The following MYT1L variants were observed in gnomAD, a reference collection of about 807,000 sequenced individuals.
The protein encoded by MYT1L is myelin transcription factor 1-like protein.
Under a neutral mutation model 126.7 loss-of-function variants are expected in MYT1L, and 12 were observed. That is an observed-to-expected ratio of 0.09 (90% CI 0.06 to 0.15). MYT1L has a LOEUF of 0.15. Among genes scored for constraint, MYT1L ranks in the 10% least tolerant of loss-of-function variants. The pLI is 1.00. For synonymous variants in MYT1L, 541 were observed against 604.2 expected (o/e 0.90, Z 1.53); for missense variants, 979 against 1,585.2 (o/e 0.62, Z 6.49).
chr2:2,309,817 G>A (rs10432710), intron 1 of MYT1L, among the ~76,000 whole-genome samples: 5,416 of 149,340 alleles, frequency 0.036, 451 homozygotes, highest in East Asian at 0.35. Context: ...CTTGCACTTC[G>A]GCATACTCTA....
chr2:1,851,373 G>A (rs958029017), intron 19 of MYT1L, among the ~76,000 whole-genome samples: 2 of 152,136 alleles, frequency 1.3e-5, no homozygotes, highest in African/African-American at 4.8e-5. Context: ...AAGAAGTGCA[G>A]CTGGATAGGT....
At chr2:2,066,890 TTTAACAAAA>T (rs1558906119) in intron 3 of MYT1L, among the ~76,000 whole-genome samples, 1 of 152,306 alleles carries the variant, frequency 6.6e-6, no homozygotes, top group Non-Finnish European at 1.5e-5. Context: ...CAGTAACACA[TTTAACAAAA>T]GGTGTGTGAT....
At chr2:2,109,548 A>G (rs1284628226) in intron 3 of MYT1L, among the ~76,000 whole-genome samples, 2 of 152,092 alleles carry the variant, frequency 1.3e-5, no homozygotes, top group Non-Finnish European at 2.9e-5. Context: ...TAGCTTTCTT[A>G]GAAATTTCTG....
At chr2:2,081,391 C>A (rs534069178) in intron 3 of MYT1L, among the ~76,000 whole-genome samples, 11 of 152,264 alleles carry the variant, frequency 7.2e-5, no homozygotes, top group African/African-American at 2.6e-4. Flanking sequence ...GGCAAATGCA[C>A]CTCCCTGAGA....
At chr2:2,137,260 C>T (rs897638315) in intron 3 of MYT1L, among the ~76,000 whole-genome samples, 2 of 152,168 alleles carry the variant, frequency 1.3e-5, no homozygotes, top group African/African-American at 4.8e-5. Flanking sequence ...AATGGCCATA[C>T]TGCCCAAGGT....
chr2:2,102,638 G>GTGTGTT (rs2078239107), intron 3 of MYT1L, among the ~76,000 whole-genome samples: 1 of 148,320 alleles, frequency 6.7e-6, no homozygotes, highest in Non-Finnish European at 1.5e-5. Context: ...GTGTGTGTGT[G>GTGTGTT]TGTGTATAAA....
intron 4 of MYT1L, among the ~76,000 whole-genome samples, chr2:2,001,245 T>TTA (rs2062356183): frequency 6.7e-6 from 1 of 149,906 alleles, no homozygotes; most frequent in Non-Finnish European, 1.5e-5. Context: ...AGCTTTTTTT[T>TTA]TTTTTTTGCT....
At chr2:1,805,487 C>T (rs905715981) in intron 22 of MYT1L, among the ~76,000 whole-genome samples, 19 of 152,230 alleles carry the variant, frequency 1.2e-4, no homozygotes, top group African/African-American at 3.6e-4. Flanking sequence ...CATGGTGGCT[C>T]ACGCCTATAA....
Position 1,970,279 on chromosome 2 carries a change from C to T in MYT1L, c.152+8886G>A, listed in dbSNP as rs544565075. 1.2e-3 allele frequency among the ~76,000 whole-genome samples: 179 copies of T among 152,214 alleles called. 1 individual carries two copies. The highest frequency in any genetic ancestry group is 2.0e-3 in the Non-Finnish European group (136 of 68,020). ...GGTGGACAGCCCCAGATAGGGGACT[C>T]GAAGAGCCGGGTCCCAGCGATGCTC... On this transcript the variant is annotated intron_variant, in intron 8 of 24. Coordinates refer to ENST00000647738, the MANE Select transcript of MYT1L (RefSeq NM_001303052.2).
At chr2:1,855,635 G>T (rs942770341) in intron 18 of MYT1L, among the ~76,000 whole-genome samples, 1 of 152,200 alleles carries the variant, frequency 6.6e-6, no homozygotes, top group African/African-American at 2.4e-5. Flanking sequence ...TGGTTAAGGT[G>T]TAAACTTGCA....
chr2:2,166,231 G>A (rs1034851675), intron 3 of MYT1L, among the ~76,000 whole-genome samples: 1 of 151,856 alleles, frequency 6.6e-6, no homozygotes, highest in Non-Finnish European at 1.5e-5. Flanking sequence ...ATGAACCAGC[G>A]AGGCTGTTTT....
chr2:2,042,133 C>A (rs776688201), intron 4 of MYT1L, among the ~76,000 whole-genome samples: 1 of 152,168 alleles, frequency 6.6e-6, no homozygotes, highest in Non-Finnish European at 1.5e-5. Flanking sequence ...GGCAGCCCCG[C>A]AATCCTGAGG....
In MYT1L at chr2:2,173,005, C is replaced by A. The variant is rs937820798; in HGVS notation, c.-420-17G>T. On this transcript the variant is annotated splice_polypyrimidine_tract_variant and intron_variant, in intron 2 of 24. Coordinates refer to ENST00000647738, the MANE Select transcript of MYT1L (RefSeq NM_001303052.2). ...GTTCATTTTCTAAAGGATAGAGCGA[C>A]AACACAAAATACCTTAAGTAAGAGA... The A allele has an allele frequency of 3.3e-5, 5 of 152,238 alleles. No homozygotes were observed. Among genetic ancestry groups the A allele is most frequent in the African/African-American group, 1.2e-4 (5 of 41,454 alleles). The allele number at this position is 152,238 out of a possible 1,614,324, so 9.4% of individuals were successfully genotyped here. A position where few individuals can be genotyped will look rare whatever the true frequency, so the allele number is the denominator to read the frequency against.
intron 13 of MYT1L, among the ~76,000 whole-genome samples, chr2:1,904,316 G>T (rs890760968): frequency 2.6e-5 from 4 of 152,056 alleles, no homozygotes; most frequent in African/African-American, 9.7e-5. Context: ...TTCATGGATT[G>T]GACACTGAAG....
chr2:2,071,929 T>C (rs997594059), intron 3 of MYT1L, among the ~76,000 whole-genome samples: 1 of 152,122 alleles, frequency 6.6e-6, no homozygotes, highest in African/African-American at 2.4e-5. Context: ...GGAGAGCAGA[T>C]TTTAGTTTGG....
chr2:2,079,898 C>T (rs745548520), intron 3 of MYT1L, among the ~76,000 whole-genome samples: 2 of 151,062 alleles, frequency 1.3e-5, no homozygotes, highest in Admixed American at 6.6e-5. Context: ...AAATCTACTA[C>T]AAATAAACAA....
chr2:2,127,043 G>A lies in MYT1L; in HGVS notation c.-304+45829C>T, dbSNP rs147802333. Among the ~76,000 whole-genome samples, 174 of 152,326 alleles carry A rather than the reference G, an allele frequency of 1.1e-3. 1 individual carries two copies. The highest frequency in any genetic ancestry group is 3.6e-3 in the African/African-American group (148 of 41,582). On this transcript the variant is annotated intron_variant, in intron 3 of 24. Coordinates refer to ENST00000647738, the MANE Select transcript of MYT1L (RefSeq NM_001303052.2). ...TTCTAAAGAGCTGAATTGCCTTATA[G>A]TAGTAACCAAACTAGTCAACCCACC...
intron 1 of MYT1L, among the ~76,000 whole-genome samples, chr2:2,322,296 C>G (rs2096181243): frequency 6.6e-6 from 1 of 151,732 alleles, no homozygotes; most frequent in Admixed American, 6.6e-5. Flanking sequence ...GTACTTAAGT[C>G]AAAGAGCACT....
chr2:2,070,436 A>T (rs1336850176), intron 3 of MYT1L, among the ~76,000 whole-genome samples: 1 of 152,202 alleles, frequency 6.6e-6, no homozygotes, highest in African/African-American at 2.4e-5. Flanking sequence ...CCTTACTGGG[A>T]ATGACTGAGT....
Sources: allele counts gnomAD v4.1 joint callset (sites outside exome capture counted in the v4.1 genomes callset), GRCh38; gene constraint gnomAD v4.1.1; transcripts MANE v1.5; gene names NCBI Gene and HGNC (gene_info 2026-07-23, HGNC 2026-07-21).